The following GMDS variants were observed in gnomAD, a reference collection of about 807,000 sequenced individuals.
The protein encoded by GMDS is GDP-mannose 4,6-dehydratase.
Under a neutral mutation model 49.9 loss-of-function variants are expected in GMDS, and 20 were observed. The ratio of observed to expected loss-of-function variants is 0.40; its 90% CI spans 0.28 to 0.58. GMDS has a LOEUF of 0.58. Ranked by LOEUF, GMDS falls within the 20% of genes least tolerant of loss-of-function variation. The pLI, the probability that GMDS is intolerant of heterozygous loss-of-function variation, is 0.42. For missense variants in GMDS, 362 were observed against 481.4 expected (o/e 0.75, Z 2.32); for synonymous variants, 177 against 178.6 (o/e 0.99, Z 0.07).
chr6:2,016,907 G>C (rs545890183), intron 4 of GMDS, among the ~76,000 whole-genome samples: 139 of 152,282 alleles, frequency 9.1e-4, no homozygotes, highest in African/African-American at 3.2e-3. Flanking sequence ...AGCAAAGGCA[G>C]TGCTGGGAGG....
At chr6:1,935,320 T>C (rs1292482478) in intron 6 of GMDS, among the ~76,000 whole-genome samples, 1 of 152,306 alleles carries the variant, frequency 6.6e-6, no homozygotes, top group Middle Eastern at 3.4e-3. Flanking sequence ...CTTACAGAAA[T>C]GTAAGAACAT....
At chr6:1,882,329 G>C (rs1005968222) in intron 7 of GMDS, among the ~76,000 whole-genome samples, 7 of 152,162 alleles carry the variant, frequency 4.6e-5, no homozygotes, top group Non-Finnish European at 7.4e-5. Flanking sequence ...ATATTGCTTA[G>C]AAATGCAAAT....
At chr6:1,646,666 G>A (rs1763495087) in intron 9 of GMDS, among the ~76,000 whole-genome samples, 1 of 152,188 alleles carries the variant, frequency 6.6e-6, no homozygotes, top group Non-Finnish European at 1.5e-5. Flanking sequence ...TTACAGTCAT[G>A]AGCCACTATG....
intron 7 of GMDS, among the ~76,000 whole-genome samples, chr6:1,840,925 T>C (rs545863476): frequency 3.3e-4 from 50 of 152,278 alleles, no homozygotes; most frequent in Admixed American, 1.8e-3. Flanking sequence ...AGGGCGACTG[T>C]TGCACCATCC....
At chr6:2,129,281 T>C (rs891719175) in intron 1 of GMDS, among the ~76,000 whole-genome samples, 4 of 151,860 alleles carry the variant, frequency 2.6e-5, no homozygotes, top group African/African-American at 4.8e-5. Flanking sequence ...ACACACCCCA[T>C]CCCAACACCT....
At chr6:2,235,049 TGG>T (rs962017522) in intron 1 of GMDS, among the ~76,000 whole-genome samples, 8 of 151,978 alleles carry the variant, frequency 5.3e-5, no homozygotes, top group African/African-American at 1.7e-4. Context: ...CGCTTGAACC[TGG>T]GAGGTGGAGG....
rs1250186463 is a variant in GMDS, at chr6:1,929,943, G to A, written c.771+160C>T. ...ACGTCTGAACCACCAATCCCTGAAC[G>A]ACTGATCCCTGAAGTGAAAGCAGCA... On this transcript the variant is annotated intron_variant, in intron 7 of 10. Transcript: ENST00000380815. 4.6e-5 allele frequency among the ~76,000 whole-genome samples: 7 copies of A among 152,158 alleles called. No individual in the cohort carries two copies. The East Asian group carries it at 9.6e-4, about 21-fold the overall frequency.
intron 4 of GMDS, among the ~76,000 whole-genome samples, chr6:1,979,547 A>G (rs1480852368): frequency 1.3e-5 from 2 of 152,246 alleles, no homozygotes; most frequent in African/African-American, 4.8e-5. Context: ...GGGATTATGT[A>G]AAGAGAATGA....
intron 4 of GMDS, among the ~76,000 whole-genome samples, chr6:1,975,091 C>G (rs934694405): frequency 1.3e-5 from 2 of 151,702 alleles, no homozygotes; most frequent in African/African-American, 2.4e-5. Flanking sequence ...CAGATGAACT[C>G]AAACTGCCAG....
intron 1 of GMDS, among the ~76,000 whole-genome samples, chr6:2,242,790 T>C (rs1561685457): frequency 6.6e-6 from 1 of 152,322 alleles, no homozygotes; most frequent in East Asian, 1.9e-4. Flanking sequence ...GGGATACTTA[T>C]TATACCTGTC....
chr6:2,038,644 A>T (rs1413639220), intron 4 of GMDS, among the ~76,000 whole-genome samples: 2 of 152,196 alleles, frequency 1.3e-5, no homozygotes, highest in African/African-American at 4.8e-5. Flanking sequence ...TCAGACTCCT[A>T]TGAGAAGCAA....
intron 1 of GMDS, among the ~76,000 whole-genome samples, chr6:2,243,330 TAAAAGTC>T (rs1045418315): frequency 2.0e-5 from 3 of 152,182 alleles, no homozygotes; most frequent in African/African-American, 7.2e-5. Flanking sequence ...TGACTGCTCT[TAAAAGTC>T]AAAATTAGGT....
chr6:1,887,387 T>A (rs1032426256), intron 7 of GMDS, among the ~76,000 whole-genome samples: 1 of 152,094 alleles, frequency 6.6e-6, no homozygotes, highest in Non-Finnish European at 1.5e-5. Flanking sequence ...GTTATCAACG[T>A]TTCTAGGTAT....
chr6:1,733,760 G>A (rs1471457229), intron 8 of GMDS, among the ~76,000 whole-genome samples: 8 of 152,330 alleles, frequency 5.3e-5, no homozygotes, highest in African/African-American at 1.7e-4. Flanking sequence ...GCAGAGGTGG[G>A]AGGATTGCTT....
At chr6:2,076,784 G>A (rs1335355751) in intron 4 of GMDS, among the ~76,000 whole-genome samples, 4 of 152,160 alleles carry the variant, frequency 2.6e-5, no homozygotes, top group Non-Finnish European at 5.9e-5. Flanking sequence ...AGACTTAAAT[G>A]TTAGACCTAA....
chr6:2,003,058 T>G (rs1373959931), intron 4 of GMDS, among the ~76,000 whole-genome samples: 1 of 152,160 alleles, frequency 6.6e-6, no homozygotes, highest in Non-Finnish European at 1.5e-5. Flanking sequence ...AAGATCATCT[T>G]CTATAATAGA....
At position 1,676,155 on chromosome 6, in the gene GMDS, C is replaced by G. The variant is rs1399760761; in HGVS notation, c.987+50261G>C. Among the ~76,000 whole-genome samples, 5 of 152,214 alleles carry G rather than the reference C, an allele frequency of 3.3e-5. No individual in the cohort carries two copies. In the East Asian group the frequency reaches 9.7e-4, roughly 29 times the overall value. Reference sequence around the variant, plus strand: ...CACCAATAACAGACAAACAGAGAGCCAAATCATGAGTGAACTCCCATTCAC... The same window carrying G: ...CACCAATAACAGACAAACAGAGAGCGAAATCATGAGTGAACTCCCATTCAC... On this transcript the variant is annotated intron_variant, in intron 9 of 10. Transcript: ENST00000380815.
At chr6:2,059,707 CAAAAA>C (rs35230658) in intron 4 of GMDS, among the ~76,000 whole-genome samples, 589 of 17,778 alleles carry the variant, frequency 0.033, 45 homozygotes, top group African/African-American at 0.1. Flanking sequence ...GACTCCGTCT[CAAAAA>C]AAAAAAAAAA....
At chr6:2,045,897 T>C (rs1769980288) in intron 4 of GMDS, among the ~76,000 whole-genome samples, 1 of 152,194 alleles carries the variant, frequency 6.6e-6, no homozygotes, top group South Asian at 2.1e-4. Context: ...TATGCATATA[T>C]GAGACAGCTT....
Sources: allele counts gnomAD v4.1 joint callset (sites outside exome capture counted in the v4.1 genomes callset), GRCh38; gene constraint gnomAD v4.1.1; transcripts MANE v1.5; gene names NCBI Gene and HGNC (gene_info 2026-07-23, HGNC 2026-07-21).